The following PARVG variants were observed in gnomAD, a reference collection of about 807,000 sequenced individuals.
PARVG encodes gamma-parvin.
Under a neutral mutation model 44.4 loss-of-function variants are expected in PARVG, and 36 were observed. The observed-to-expected ratio is 0.81, with a 90% CI of 0.62 to 1.07. The LOEUF (loss-of-function observed/expected upper bound fraction) is 1.07, where lower values mean the gene tolerates loss of function less well. Among genes scored for constraint, PARVG ranks in the 50% least tolerant of loss-of-function variants. PARVG has a pLI of 0.00. For missense variants in PARVG, 407 were observed against 407.4 expected, an observed-to-expected ratio of 1.00 and a Z score of 0.01; for synonymous variants, 170 against 174.1, an observed-to-expected ratio of 0.98 and a Z score of 0.19.
chr22:44,200,340 T>G (rs1457953441), intron 12 of PARVG, among the ~76,000 whole-genome samples: 1 of 152,212 alleles, frequency 6.6e-6, no homozygotes, highest in East Asian at 1.9e-4. Flanking sequence ...ACCAGCTCCC[T>G]GCCTGCCTGG....
At chr22:44,198,992 T>TCCAC (rs2054668337) in intron 12 of PARVG, among the ~76,000 whole-genome samples, 5 of 14,650 alleles carry the variant, frequency 3.4e-4, no homozygotes, top group African/African-American at 1.9e-3. Flanking sequence ...CCATCCATCA[T>TCCAC]CTACCTATCT....
intron 12 of PARVG, among the ~76,000 whole-genome samples, chr22:44,205,506 T>C (rs2054768561): frequency 1.3e-5 from 2 of 152,372 alleles, no homozygotes; most frequent in Middle Eastern, 3.4e-3. Context: ...CAGTGTGGTA[T>C]AGCACCTGCT....
chr22:44,178,878 T>G (rs771213069), upstream of PARVG, among the ~76,000 whole-genome samples: 2 of 152,190 alleles, frequency 1.3e-5, no homozygotes, highest in Non-Finnish European at 2.9e-5. Flanking sequence ...TCAATGCTAA[T>G]TTTCTTAGGT....
intron 6 of PARVG, 79 bp downstream of exon 6, chr22:44,189,333 A>G (rs909184424): frequency 6.5e-7 from 1 of 1,549,826 alleles, no homozygotes; most frequent in Non-Finnish European, 8.7e-7. Flanking sequence ...CTCACCCACC[A>G]GGAAGGCGCA....
At chr22:44,200,278 G>C (rs182695259) in intron 12 of PARVG, among the ~76,000 whole-genome samples, 1 of 152,266 alleles carries the variant, frequency 6.6e-6, no homozygotes, top group East Asian at 1.9e-4. Context: ...GGCAGCCAAG[G>C]CTTACCCCGG....
intron 3 of PARVG, 79 bp from the exon 4 acceptor site, chr22:44,185,729 T>C: frequency 1.5e-6 from 2 of 1,303,688 alleles, no homozygotes; most frequent in Admixed American, 1.9e-5. Context: ...GGTGCTGAAA[T>C]CTGTGGGTGA....
intron 1 of PARVG, among the ~76,000 whole-genome samples, chr22:44,174,791 C>T (rs1394403302): frequency 6.6e-6 from 1 of 152,062 alleles, no homozygotes; most frequent in African/African-American, 2.4e-5. Flanking sequence ...ATGCTCTTAG[C>T]CTGACCTGAT....
chr22:44,186,048 G>T, intron 4 of PARVG, 176 bp downstream of exon 4: 1 of 483,132 alleles, frequency 2.1e-6, no homozygotes. Flanking sequence ...CACAGAGCCT[G>T]CATGAACAAA....
At chr22:44,183,594 A>G in intron 3 of PARVG, 186 bp downstream of exon 3, 1 of 542,178 alleles carries the variant, frequency 1.8e-6, no homozygotes, top group South Asian at 2.6e-5. Flanking sequence ...CTACAGAGCT[A>G]GAACCTCTTC....
intron 4 of PARVG, chr22:44,186,350 C>T (rs1315570041): frequency 2.6e-5 from 9 of 343,552 alleles, no homozygotes; most frequent in South Asian, 2.2e-5. Flanking sequence ...TCTCCTTGGT[C>T]ATGGGTCTGC....
chr22:44,189,416 G>A (rs1343176485), intron 6 of PARVG, among the ~76,000 whole-genome samples, 162 bp downstream of exon 6: 1 of 152,220 alleles, frequency 6.6e-6, no homozygotes, highest in Non-Finnish European at 1.5e-5. Flanking sequence ...GCCACAGTCA[G>A]GCATCTGGCT....
intron 7 of PARVG, among the ~76,000 whole-genome samples, chr22:44,191,288 C>G (rs994955680): frequency 6.6e-6 from 1 of 151,896 alleles, no homozygotes; most frequent in African/African-American, 2.4e-5. Context: ...ACCCCAGCCT[C>G]GGGTCCCTCA....
At chr22:44,197,187 CAG>C (rs1569185345) in intron 11 of PARVG, among the ~76,000 whole-genome samples, 5 of 152,056 alleles carry the variant, frequency 3.3e-5, no homozygotes. Context: ...AGATCGTAGC[CAG>C]AGCTGCTGAC....
chr22:44,185,658 G>C (rs2054453951), intron 3 of PARVG, 150 bp from the exon 4 acceptor site: 1 of 612,846 alleles, frequency 1.6e-6, no homozygotes, highest in South Asian at 1.8e-5. Context: ...TGGTGTTCGT[G>C]AGGGAAATGA....
intron 13 of PARVG, 103 bp downstream of exon 13, chr22:44,205,932 G>A: frequency 7.4e-7 from 1 of 1,342,536 alleles, no homozygotes; most frequent in Non-Finnish European, 1.0e-6. Context: ...AGCACGCATT[G>A]GCAGAGTCCT....
chr22:44,192,698 C>A (rs2054566232), intron 8 of PARVG, among the ~76,000 whole-genome samples: 1 of 150,116 alleles, frequency 6.7e-6, no homozygotes. Context: ...CTGCTCCCTG[C>A]CCACTGGGGC....
chr22:44,183,391 A>T lies in PARVG; in HGVS notation c.62A>T (p.Glu21Val). 6.2e-7 allele frequency: 1 copy of T among 1,605,834 alleles called. No individual in the cohort carries two copies. The highest frequency in any genetic ancestry group is 8.5e-7 in the Non-Finnish European group (1 of 1,177,584). ...QLPKGVEPPA[E>V]EELSKGGKKK... ...CCCAAGGGGGTGGAGCCCCCAGCGG[A>T]GGAGGAGCTCTCAAAAGGTGTGTGC... Residue 21 changes from glutamate to valine, a missense_variant, in exon 3 of 14, where the codon GAG becomes GTG. Glu to Val is a moderately radical substitution (Grantham distance 121). Transcript: ENST00000444313.
At chr22:44,192,127 T>C (rs1015624382) in intron 8 of PARVG, 23 bp downstream of exon 8, 1 of 1,318,800 alleles carries the variant, frequency 7.6e-7, no homozygotes. Flanking sequence ...TGAGGGCCCA[T>C]GGGTGGGGCT....
chr22:44,189,253 G>A lies in PARVG; in HGVS notation c.387G>A (p.Glu129=), dbSNP rs1233626943. The A allele has an allele frequency of 6.2e-7, 1 of 1,613,966 alleles. No individual in the cohort carries two copies. The highest frequency in any genetic ancestry group is 8.5e-7 in the Non-Finnish European group (1 of 1,179,900). Residue 129 remains glutamate, a splice_region_variant and synonymous_variant, in exon 6 of 14, where the codon GAG becomes GAA. Transcript: ENST00000444313. ...LEEWQAKWSV[E]SIFNKDLLST... ...AGTGGCAGGCCAAGTGGAGCGTGGA[G>A]AGTACGTGGGCCACAACCTGGCTAC...
Sources: allele counts gnomAD v4.1 joint callset (sites outside exome capture counted in the v4.1 genomes callset), GRCh38; gene constraint gnomAD v4.1.1; transcripts MANE v1.5; gene names NCBI Gene and HGNC (gene_info 2026-07-23, HGNC 2026-07-21).